Variants in IMMP2L observed in about 807,000 individuals in gnomAD.
The protein encoded by IMMP2L is inner mitochondrial membrane peptidase subunit 2.
A neutral mutation model predicts 19.3 loss-of-function variants in IMMP2L; 18 were observed. That is an observed-to-expected ratio of 0.93 (90% CI 0.64 to 1.38). The LOEUF is 1.38. IMMP2L is among the 40% of genes most tolerant of loss of function. The probability of loss-of-function intolerance (pLI) is 0.00; values close to 1 mark genes in which losing one functional copy is unlikely to be tolerated. For missense variants in IMMP2L, 233 were observed against 218.2 expected (o/e 1.07, Z -0.43); for synonymous variants, 76 against 73.0 (o/e 1.04, Z -0.21).
At chr7:111,147,924 G>A (rs1803656752) in intron 3 of IMMP2L, among the ~76,000 whole-genome samples, 1 of 152,062 alleles carries the variant, frequency 6.6e-6, no homozygotes, top group Admixed American at 6.6e-5. Context: ...CTTTTAAATT[G>A]CTGCTTTGGG....
chr7:111,108,666 T>C (rs1211845078), intron 3 of IMMP2L, among the ~76,000 whole-genome samples: 1 of 152,186 alleles, frequency 6.6e-6, no homozygotes. Context: ...GTGGGTATTG[T>C]TACACTTTTG....
intron 3 of IMMP2L, among the ~76,000 whole-genome samples, chr7:111,371,449 T>C (rs142567649): frequency 6.6e-6 from 1 of 152,170 alleles, no homozygotes; most frequent in African/African-American, 2.4e-5. Context: ...CTGTGTGCTT[T>C]TGACTGCCTT....
chr7:111,495,500 G>A (rs1239856714), intron 2 of IMMP2L, among the ~76,000 whole-genome samples: 1 of 152,118 alleles, frequency 6.6e-6, no homozygotes, highest in East Asian at 1.9e-4. Flanking sequence ...AGACTATGCT[G>A]AAGGATTTTT....
At chr7:110,908,017 A>G (rs1218934695) in intron 4 of IMMP2L, among the ~76,000 whole-genome samples, 1 of 152,168 alleles carries the variant, frequency 6.6e-6, no homozygotes, top group Non-Finnish European at 1.5e-5. Context: ...GGAGTTAAAG[A>G]CATTCATCAT....
intron 3 of IMMP2L, chr7:111,483,312 A>G (rs2132229425): frequency 6.6e-6 from 1 of 152,282 alleles, no homozygotes; most frequent in South Asian, 2.1e-4. Flanking sequence ...ATTGTGAAAT[A>G]GTGCAACTTA....
intron 5 of IMMP2L, among the ~76,000 whole-genome samples, chr7:110,731,024 C>T (rs568074862): frequency 1.9e-4 from 29 of 152,230 alleles, no homozygotes; most frequent in African/African-American, 4.6e-4. Flanking sequence ...AGCTGATGGG[C>T]GTGACTAGAA....
rs1222742445 is a variant in IMMP2L at position 110,870,930 on chromosome 7, G to A, written c.408+15663C>T. On this transcript the variant is annotated intron_variant, in intron 5 of 5. Coordinates refer to ENST00000405709, the MANE Select transcript of IMMP2L (RefSeq NM_032549.4). The surrounding 1 kb of genome is among the most constrained non-coding windows in gnomAD (Gnocchi z 4.2). ...AGATAACTGCAGCTGCCACAGAGAC[G>A]CTGACGTTTAGAAGATGAAGAGGGG... is the stretch of plus-strand genomic sequence containing the variant. Among the ~76,000 whole-genome samples the A allele has an allele frequency of 6.6e-6, 1 of 152,110 alleles. No homozygotes were observed. Among genetic ancestry groups the A allele is most frequent in the Non-Finnish European group, 1.5e-5 (1 of 68,022 alleles).
At position 110,872,950 on chromosome 7, in the gene IMMP2L, G is replaced by A. The variant is rs1808678232; in HGVS notation, c.408+13643C>T. Reference sequence around the variant, plus strand: ...GGTAGGGGTAAATGCCACCTCTTTAGTCTCATGATTGAAACCACCTTCAAA... The same window carrying A: ...GGTAGGGGTAAATGCCACCTCTTTAATCTCATGATTGAAACCACCTTCAAA... On this transcript the variant is annotated intron_variant, in intron 5 of 5. Coordinates refer to ENST00000405709, the MANE Select transcript of IMMP2L (RefSeq NM_032549.4). Among the ~76,000 whole-genome samples the A allele has an allele frequency of 2.0e-5, 3 of 152,198 alleles. No individual in the cohort carries two copies. In the South Asian group the frequency reaches 6.2e-4, roughly 32 times the overall value.
intron 3 of IMMP2L, among the ~76,000 whole-genome samples, chr7:111,440,146 C>T (rs939312859): frequency 6.6e-6 from 1 of 151,906 alleles, no homozygotes; most frequent in Non-Finnish European, 1.5e-5. Context: ...TCAACTTCTT[C>T]CAAACTGCTG....
intron 3 of IMMP2L, among the ~76,000 whole-genome samples, chr7:111,310,160 G>A (rs12670206): frequency 0.32 from 48,949 of 151,114 alleles, 8,556 homozygotes; most frequent in South Asian, 0.59. Context: ...GCTTGAACCC[G>A]GGAGGTGGAG....
intron 3 of IMMP2L, among the ~76,000 whole-genome samples, chr7:111,354,573 T>C (rs558353152): frequency 6.6e-6 from 1 of 151,224 alleles, no homozygotes; most frequent in African/African-American, 2.4e-5. Context: ...AAAATTGAGA[T>C]GTATAAGGCT....
chr7:111,544,739 C>A (rs552222996), intron 1 of IMMP2L, among the ~76,000 whole-genome samples: 42 of 150,766 alleles, frequency 2.8e-4, no homozygotes, highest in African/African-American at 1.0e-3. Flanking sequence ...AGAAAAGCAG[C>A]TGAGAAGGGG....
chr7:111,060,523 A>G (rs1253127937), intron 3 of IMMP2L, among the ~76,000 whole-genome samples: 1 of 152,184 alleles, frequency 6.6e-6, no homozygotes, highest in Non-Finnish European at 1.5e-5. Context: ...GGGGCTCAGA[A>G]CCAGGCATGT....
intron 3 of IMMP2L, among the ~76,000 whole-genome samples, chr7:111,083,399 G>T (rs568724663): frequency 6.6e-6 from 1 of 152,240 alleles, no homozygotes; most frequent in Admixed American, 6.5e-5. Context: ...ACATTTTGGG[G>T]TTGAAAAACA....
intron 3 of IMMP2L, among the ~76,000 whole-genome samples, chr7:111,311,450 A>G (rs1014436912): frequency 2.0e-5 from 3 of 152,148 alleles, no homozygotes; most frequent in African/African-American, 4.8e-5. Flanking sequence ...GTCAAGTAAG[A>G]GCCATGTATG....
chr7:111,278,540 C>T (rs191229470), intron 3 of IMMP2L, among the ~76,000 whole-genome samples: 3 of 152,242 alleles, frequency 2.0e-5, no homozygotes, highest in Admixed American at 2.0e-4. Context: ...AAACATCATT[C>T]CAGTTTCTCT....
intron 5 of IMMP2L, among the ~76,000 whole-genome samples, chr7:110,735,098 A>G (rs1796527045): frequency 1.3e-5 from 2 of 152,158 alleles, no homozygotes; most frequent in South Asian, 4.1e-4. Context: ...CATGCCTGCA[A>G]TGGAAATAAC....
chr7:110,953,511 T>C (rs140054952), intron 4 of IMMP2L, among the ~76,000 whole-genome samples: 1,568 of 152,282 alleles, frequency 0.01, 29 homozygotes, highest in African/African-American at 0.036. Context: ...TCCTTTTTTA[T>C]GGCTGCATAG....
chr7:110,717,579 G>A (rs568257298), intron 5 of IMMP2L, among the ~76,000 whole-genome samples: 1 of 152,302 alleles, frequency 6.6e-6, no homozygotes, highest in South Asian at 2.1e-4. Flanking sequence ...ACTCTACTTG[G>A]AACACAGTAC....
Sources: allele counts gnomAD v4.1 joint callset (sites outside exome capture counted in the v4.1 genomes callset), GRCh38; gene constraint gnomAD v4.1.1; non-coding constraint Gnocchi (gnomAD v3.1); transcripts MANE v1.5; gene names NCBI Gene and HGNC (gene_info 2026-07-23, HGNC 2026-07-21).